Variants in CIROZ observed in about 807,000 individuals in gnomAD.
The protein encoded by CIROZ is ciliated left-right organizer protein containing ZP-N domains.
chr1:10,950,866 C>G, the CIROZ span, among the ~76,000 whole-genome samples: 1 of 152,140 alleles, frequency 6.6e-6, no homozygotes, highest in African/African-American at 2.4e-5. Flanking sequence ...TCTTATATAA[C>G]CAGGTTCTCG....
chr1:10,974,184 G>A, the CIROZ span, among the ~76,000 whole-genome samples: 3 of 152,128 alleles, frequency 2.0e-5, no homozygotes, highest in African/African-American at 7.2e-5. The surrounding 1 kb of genome is among the most constrained non-coding windows in gnomAD (Gnocchi z 4.4). Context: ...CAGTCCCCTG[G>A]ACTGGAGTAG....
chr1:10,966,621 T>C, the CIROZ span: 1 of 1,004,078 alleles, frequency 1.0e-6, no homozygotes, highest in Non-Finnish European at 1.4e-6. Context: ...ATAGCAGTAA[T>C]TTTTAAAAGT....
chr1:10,976,646 C>T, the CIROZ span, among the ~76,000 whole-genome samples: 8 of 151,000 alleles, frequency 5.3e-5, no homozygotes, highest in South Asian at 4.2e-4. Context: ...CACCGCGTCC[C>T]GCCCACTCGT....
chr1:10,966,214 T>C, the CIROZ span: 2 of 1,133,716 alleles, frequency 1.8e-6, no homozygotes, highest in South Asian at 2.0e-5. Flanking sequence ...ATAAACTCCA[T>C]GAGGGCAGAG....
the CIROZ span, chr1:10,976,335 T>A: frequency 1.0e-6 from 1 of 960,712 alleles, no homozygotes; most frequent in Non-Finnish European, 1.5e-6. Flanking sequence ...CTCATTATAT[T>A]TCTTTTTTTT....
At chr1:10,954,637 T>C in the CIROZ span, among the ~76,000 whole-genome samples, 7 of 152,192 alleles carry the variant, frequency 4.6e-5, no homozygotes, top group Admixed American at 4.6e-4. Context: ...CACATTTCTT[T>C]CTTTTTTACT....
chr1:10,976,323 C>A, the CIROZ span: 6 of 956,440 alleles, frequency 6.3e-6, no homozygotes, highest in South Asian at 1.5e-5. Flanking sequence ...TACCTTCATT[C>A]ACTCATTATA....
At chr1:10,953,590 ACAGCT>A in the CIROZ span, among the ~76,000 whole-genome samples, 1 of 152,220 alleles carries the variant, frequency 6.6e-6, no homozygotes, top group East Asian at 1.9e-4. Flanking sequence ...ATAAATGGAA[ACAGCT>A]CTTCTTGTGC....
At chr1:10,960,527 C>T in the CIROZ span, among the ~76,000 whole-genome samples, 10 of 152,232 alleles carry the variant, frequency 6.6e-5, no homozygotes, top group Non-Finnish European at 1.5e-4. The surrounding 1 kb of genome is among the most constrained non-coding windows in gnomAD (Gnocchi z 4.6). Context: ...CGCAGGAGCT[C>T]GGGCAGCCTT....
chr1:10,968,902 G>A, the CIROZ span, among the ~76,000 whole-genome samples: 2 of 152,180 alleles, frequency 1.3e-5, no homozygotes, highest in African/African-American at 2.4e-5. Flanking sequence ...ATTACTTATT[G>A]AACAAGCGTT....
the CIROZ span, chr1:10,957,893 G>A: frequency 1.9e-4 from 184 of 948,388 alleles, no homozygotes; most frequent in African/African-American, 1.5e-3. Flanking sequence ...GAGGCAGGAC[G>A]GCAGGCCACT....
the CIROZ span, chr1:10,957,094 G>A: frequency 6.5e-7 from 1 of 1,549,922 alleles, no homozygotes; most frequent in Non-Finnish European, 8.7e-7. Context: ...GAGCTCAGCA[G>A]AGGTGTTCAG....
the CIROZ span, among the ~76,000 whole-genome samples, chr1:10,969,101 C>T: frequency 6.6e-6 from 1 of 152,038 alleles, no homozygotes; most frequent in African/African-American, 2.4e-5. Context: ...CCCTACCGGT[C>T]CCAGAAGGTG....
chr1:10,973,036 C>T, the CIROZ span, among the ~76,000 whole-genome samples: 1 of 152,130 alleles, frequency 6.6e-6, no homozygotes, highest in Non-Finnish European at 1.5e-5. Context: ...ATGCTGGTGG[C>T]CTTGGACCAT....
chr1:10,958,622 T>G, the CIROZ span: 3 of 1,476,284 alleles, frequency 2.0e-6, no homozygotes, highest in African/African-American at 1.4e-5. Flanking sequence ...ACAAGCAAAC[T>G]CAAAAGCTGC....
At chr1:10,966,411 C>T in the CIROZ span, 5 of 1,536,938 alleles carry the variant, frequency 3.3e-6, no homozygotes, top group Non-Finnish European at 4.4e-6. Context: ...AAGTCACCGT[C>T]TGAAGCCAGA....
the CIROZ span, among the ~76,000 whole-genome samples, chr1:10,969,409 A>T: frequency 6.6e-6 from 1 of 152,194 alleles, no homozygotes; most frequent in African/African-American, 2.4e-5. Context: ...AAGTGACACT[A>T]TGCCCCTTGT....
chr1:10,954,099 T>C, the CIROZ span: 1 of 1,613,516 alleles, frequency 6.2e-7, no homozygotes, highest in East Asian at 2.2e-5. Flanking sequence ...GTCTACCCTA[T>C]AGAAAGCTTG....
chr1:10,968,207 G>T, the CIROZ span, among the ~76,000 whole-genome samples: 3 of 152,108 alleles, frequency 2.0e-5, no homozygotes, highest in African/African-American at 7.2e-5. Context: ...AATAAAGGGG[G>T]CTATCTCTGG....
Sources: allele counts gnomAD v4.1 joint callset (sites outside exome capture counted in the v4.1 genomes callset), GRCh38; gene constraint gnomAD v4.1.1; non-coding constraint Gnocchi (gnomAD v3.1); transcripts MANE v1.5; gene names NCBI Gene and HGNC (gene_info 2026-07-23, HGNC 2026-07-21).